SLC12A8: variants seen among roughly 807,000 people sequenced by gnomAD.
SLC12A8 encodes solute carrier family 12 member 8.
A neutral mutation model predicts 75.6 loss-of-function variants in SLC12A8; 69 were observed. That is an observed-to-expected ratio of 0.91 (90% CI 0.75 to 1.11). SLC12A8 has a LOEUF of 1.11. Among genes scored for constraint, SLC12A8 ranks in the 50% most tolerant of loss-of-function variants. SLC12A8 has a pLI of 0.00. For synonymous variants in SLC12A8, 365 were observed against 372.8 expected (o/e 0.98, Z 0.24); for missense variants, 877 against 896.7 (o/e 0.98, Z 0.28).
intron 12 of SLC12A8, among the ~76,000 whole-genome samples, chr3:125,090,124 G>C (rs1938550177): frequency 6.6e-6 from 1 of 151,644 alleles, no homozygotes; most frequent in African/African-American, 2.4e-5. Flanking sequence ...GCCCAGGCTG[G>C]CCTCAAACTC....
intron 3 of SLC12A8, among the ~76,000 whole-genome samples, chr3:125,188,233 C>T (rs1934834655): frequency 6.6e-6 from 1 of 152,170 alleles, no homozygotes; most frequent in African/African-American, 2.4e-5. Context: ...TCTCCGGCTA[C>T]GTGGCACGCT....
At chr3:125,201,702 G>GA (rs141256499) in intron 2 of SLC12A8, among the ~76,000 whole-genome samples, 52 of 95,528 alleles carry the variant, frequency 5.4e-4, no homozygotes, top group African/African-American at 7.8e-4. Flanking sequence ...AGCCATGATT[G>GA]AAAAAAAAAA....
At chr3:125,174,326 A>G (rs192355262) in intron 5 of SLC12A8, among the ~76,000 whole-genome samples, 181 of 152,312 alleles carry the variant, frequency 1.2e-3, no homozygotes, top group African/African-American at 4.2e-3. Flanking sequence ...AAACAAAAAA[A>G]CTGACAATAC....
intron 5 of SLC12A8, among the ~76,000 whole-genome samples, chr3:125,147,029 G>A (rs1277823387): frequency 6.6e-6 from 1 of 152,190 alleles, no homozygotes; most frequent in African/African-American, 2.4e-5. Context: ...GGAATCCTTG[G>A]GGTTTTACTC....
intron 8 of SLC12A8, among the ~76,000 whole-genome samples, chr3:125,110,978 G>C (rs980769670): frequency 1.3e-5 from 2 of 152,084 alleles, no homozygotes; most frequent in Non-Finnish European, 2.9e-5. Context: ...CTGTTCACAC[G>C]CCCTAATCTA....
At chr3:125,134,100 T>C (rs2981508) in intron 6 of SLC12A8, among the ~76,000 whole-genome samples, 11,184 of 152,174 alleles carry the variant, frequency 0.073, 492 homozygotes, top group Admixed American at 0.095. Context: ...TGTGTATCGA[T>C]AGTTATTTTT....
chr3:125,110,393 C>T (rs1009846555), intron 8 of SLC12A8, 58 bp from the exon 9 acceptor site: 4 of 1,552,102 alleles, frequency 2.6e-6, no homozygotes, highest in African/African-American at 1.4e-5. Context: ...GCCTTTCTAC[C>T]CCCCCAGCAC....
intron 2 of SLC12A8, among the ~76,000 whole-genome samples, chr3:125,208,882 C>T (rs532060788): frequency 1.3e-5 from 2 of 152,004 alleles, no homozygotes; most frequent in Non-Finnish European, 2.9e-5. Flanking sequence ...TTCATTCACC[C>T]TCCACCTAAC....
intron 4 of SLC12A8, among the ~76,000 whole-genome samples, chr3:125,185,982 G>A (rs1934772961): frequency 6.6e-6 from 1 of 152,164 alleles, no homozygotes; most frequent in Non-Finnish European, 1.5e-5. Context: ...ATCAGCCCAT[G>A]TAAGTGGGAC....
rs1303325750 is a variant in SLC12A8, at chr3:125,103,795, C to G, written c.1705+3686G>C. Among the ~76,000 whole-genome samples the G allele has an allele frequency of 3.3e-5, 5 of 151,946 alleles. No individual in the cohort carries two copies. The South Asian group carries it at 1.0e-3, about 32-fold the overall frequency. On this transcript the variant is annotated intron_variant, in intron 10 of 13. Coordinates refer to ENST00000469902, the MANE Select transcript of SLC12A8 (RefSeq NM_024628.6). ...CTACAGGCATGTGCCACTATACCCC[C>G]ACTAATTTTTTAGTTTTTTGTAGCA... is the stretch of plus-strand genomic sequence containing the variant.
chr3:125,090,815 T>A (rs1166126759), intron 12 of SLC12A8, among the ~76,000 whole-genome samples: 1 of 152,240 alleles, frequency 6.6e-6, no homozygotes, highest in East Asian at 1.9e-4. Flanking sequence ...TCTTTACATA[T>A]AAAGAAGGAT....
intron 13 of SLC12A8, among the ~76,000 whole-genome samples, chr3:125,084,974 G>A (rs766503674): frequency 2.0e-5 from 3 of 152,178 alleles, no homozygotes; most frequent in South Asian, 2.1e-4. Flanking sequence ...TGAGAGTTGC[G>A]AAAAGGTAGA....
chr3:125,088,559 T>G (rs1446340055), intron 12 of SLC12A8, among the ~76,000 whole-genome samples, 189 bp from the exon 13 acceptor site: 1 of 152,212 alleles, frequency 6.6e-6, no homozygotes, highest in East Asian at 1.9e-4. Context: ...TACTAAGGAC[T>G]TTTACTCATG....
intron 12 of SLC12A8, among the ~76,000 whole-genome samples, chr3:125,088,795 A>G (rs566660759): frequency 2.3e-4 from 35 of 152,228 alleles, no homozygotes; most frequent in Non-Finnish European, 5.0e-4. Context: ...CCTTATAATC[A>G]TCACAGTACC....
intron 5 of SLC12A8, among the ~76,000 whole-genome samples, chr3:125,167,154 T>A (rs1934307994): frequency 6.7e-6 from 1 of 148,546 alleles, no homozygotes; most frequent in Admixed American, 6.7e-5. Context: ...TTTTAAAACT[T>A]TTTTTTTTTT....
chr3:125,196,176 C>A (rs915649671), intron 2 of SLC12A8, among the ~76,000 whole-genome samples: 1 of 152,082 alleles, frequency 6.6e-6, no homozygotes, highest in African/African-American at 2.4e-5. Context: ...ATTAAATCAA[C>A]AAAGATGAAA....
chr3:125,187,463 G>A (rs1166363145), intron 3 of SLC12A8, 35 bp from the exon 4 acceptor site: 1 of 1,599,642 alleles, frequency 6.3e-7, no homozygotes, highest in African/African-American at 1.3e-5. Context: ...GGTTGGATTA[G>A]GTGAGGAGGC....
chr3:125,112,484 T>C (rs1456619843), intron 8 of SLC12A8, among the ~76,000 whole-genome samples: 1 of 152,162 alleles, frequency 6.6e-6, no homozygotes, highest in Non-Finnish European at 1.5e-5. Flanking sequence ...CAGGTAGAAT[T>C]GTATCATGCT....
chr3:125,089,167 A>C (rs960660059), intron 12 of SLC12A8, among the ~76,000 whole-genome samples: 1 of 152,222 alleles, frequency 6.6e-6, no homozygotes, highest in Non-Finnish European at 1.5e-5. Context: ...GCTTATGTTA[A>C]AATCTCCACA....
Sources: gnomAD v4.1 joint callset for allele counts (sites outside exome capture counted in the v4.1 genomes callset) on GRCh38, gnomAD v4.1.1 for gene constraint, MANE v1.5 for transcripts, NCBI Gene and HGNC (gene_info 2026-07-23, HGNC 2026-07-21) for gene names.